Variants in RANBP17 observed in about 807,000 individuals in gnomAD.
RANBP17 encodes ran-binding protein 17.
Under a neutral mutation model 141.2 loss-of-function variants are expected in RANBP17, and 158 were observed. The observed-to-expected ratio is 1.12, with a 90% CI of 0.98 to 1.28. RANBP17 has a LOEUF of 1.28. Ranked by LOEUF, RANBP17 falls within the 50% of genes most tolerant of loss-of-function variation. The pLI is 0.00. For missense variants in RANBP17, 1,438 were observed against 1,290.7 expected, an observed-to-expected ratio of 1.11 and a Z score of -1.75; for synonymous variants, 430 against 450.0, an observed-to-expected ratio of 0.96 and a Z score of 0.56.
chr5:171,247,045 T>C (rs991841642), intron 24 of RANBP17, among the ~76,000 whole-genome samples: 3 of 152,168 alleles, frequency 2.0e-5, no homozygotes, highest in Non-Finnish European at 4.4e-5. Flanking sequence ...ATGCATTAAT[T>C]AGATAATATT....
chr5:170,999,997 T>C (rs1047449217), intron 14 of RANBP17, among the ~76,000 whole-genome samples: 2 of 152,184 alleles, frequency 1.3e-5, no homozygotes, highest in East Asian at 1.9e-4. Context: ...TCACATGGTA[T>C]TAGTGTGCTT....
rs1765415305 is a variant in RANBP17, at chr5:171,249,405, T to C, written c.2776+6585T>C. 1.3e-5 allele frequency among the ~76,000 whole-genome samples: 2 copies of C among 152,146 alleles called. 1 individual carries two copies. Among genetic ancestry groups the C allele is most frequent in the South Asian group, 4.1e-4 (2 of 4,830 alleles). ...ATATGACACCTCCCAAGGAACACAGTAATTCTCCAGCAATAGATCTTACTC... is the reference window on the plus strand; with the variant it reads ...ATATGACACCTCCCAAGGAACACAGCAATTCTCCAGCAATAGATCTTACTC... On this transcript the variant is annotated intron_variant, in intron 24 of 27. Transcript: ENST00000523189.
At chr5:170,869,202 T>C (rs1767506908) in intron 1 of RANBP17, among the ~76,000 whole-genome samples, 1 of 152,236 alleles carries the variant, frequency 6.6e-6, no homozygotes, top group Admixed American at 6.5e-5. Context: ...TGAGGTTCTT[T>C]ATATCAGTAA....
At chr5:170,862,824 G>A (rs1227378532) in intron 1 of RANBP17, among the ~76,000 whole-genome samples, 1 of 152,196 alleles carries the variant, frequency 6.6e-6, no homozygotes, top group Non-Finnish European at 1.5e-5. Context: ...TGGGGATAAA[G>A]GATGACATCT....
chr5:170,880,463 C>T (rs1018585303), intron 2 of RANBP17, among the ~76,000 whole-genome samples: 1 of 152,172 alleles, frequency 6.6e-6, no homozygotes, highest in African/African-American at 2.4e-5. Flanking sequence ...TTAATTAACT[C>T]ATCATCGGTA....
At chr5:170,886,390 A>G (rs538802580) in intron 3 of RANBP17, among the ~76,000 whole-genome samples, 1 of 152,080 alleles carries the variant, frequency 6.6e-6, no homozygotes, top group Non-Finnish European at 1.5e-5. Flanking sequence ...GGCAGCTGGT[A>G]TTTATTTTTT....
At chr5:171,187,036 A>C (rs1352617265) in intron 18 of RANBP17, among the ~76,000 whole-genome samples, 1 of 152,176 alleles carries the variant, frequency 6.6e-6, no homozygotes, top group Non-Finnish European at 1.5e-5. Flanking sequence ...CTTTTGATTT[A>C]AAGTGAGAGA....
chr5:170,983,230 C>T (rs1162367248), intron 14 of RANBP17: 6 of 354,414 alleles, frequency 1.7e-5, no homozygotes, highest in Non-Finnish European at 2.6e-5. Context: ...CCAGTTCAAA[C>T]TGGAGCAGAT....
chr5:171,012,032 A>ATTTTGTT (rs1470409985), intron 14 of RANBP17, among the ~76,000 whole-genome samples: 4 of 150,790 alleles, frequency 2.7e-5, no homozygotes, highest in African/African-American at 9.7e-5. Flanking sequence ...AACAAATAAT[A>ATTTTGTT]TATTTGTTTA....
chr5:170,962,589 C>T (rs997553478), intron 13 of RANBP17, among the ~76,000 whole-genome samples: 1 of 152,168 alleles, frequency 6.6e-6, no homozygotes, highest in Non-Finnish European at 1.5e-5. Context: ...ATTTATTTAA[C>T]TAAAACTTAC....
chr5:171,289,403 C>T (rs1768348327), intron 25 of RANBP17, among the ~76,000 whole-genome samples: 1 of 152,184 alleles, frequency 6.6e-6, no homozygotes, highest in Admixed American at 6.5e-5. Flanking sequence ...ACACAAACCA[C>T]ATCTTTGTCT....
rs576337202 is a variant in RANBP17 at position 171,063,170 on chromosome 5, A to G, written c.1710+94793A>G. ...CTTCTTCTCTCAACTCGTCAAACTC[A>G]TTCTCTGTCCAGCTTTGTTCTGTTG... On this transcript the variant is annotated intron_variant, in intron 14 of 27. Coordinates refer to ENST00000523189, the MANE Select transcript of RANBP17 (RefSeq NM_022897.5). 2.8e-4 allele frequency among the ~76,000 whole-genome samples: 42 copies of G among 152,326 alleles called. No homozygotes were observed. The South Asian group carries it at 8.7e-3, about 32-fold the overall frequency.
intron 18 of RANBP17, among the ~76,000 whole-genome samples, chr5:171,188,366 G>A (rs1304616108): frequency 1.3e-5 from 2 of 152,184 alleles, no homozygotes; most frequent in Non-Finnish European, 2.9e-5. Context: ...GTGAGAAGAG[G>A]CGCAGCCCCA....
intron 7 of RANBP17, among the ~76,000 whole-genome samples, chr5:170,912,749 G>C (rs1038789386): frequency 6.6e-6 from 1 of 151,778 alleles, no homozygotes; most frequent in African/African-American, 2.4e-5. Context: ...GAGGTGTGAC[G>C]GTTAGGAGTT....
At chr5:171,021,398 TCAG>T (rs1267067215) in intron 14 of RANBP17, among the ~76,000 whole-genome samples, 1 of 152,232 alleles carries the variant, frequency 6.6e-6, no homozygotes, top group East Asian at 1.9e-4. Flanking sequence ...TCTGTCACTT[TCAG>T]GTACACCAAT....
chr5:171,133,035 G>A (rs1470681548), intron 14 of RANBP17, among the ~76,000 whole-genome samples: 3 of 152,006 alleles, frequency 2.0e-5, no homozygotes, highest in Non-Finnish European at 2.9e-5. Flanking sequence ...ACAGGGGCCC[G>A]CCATCACGCT....
intron 12 of RANBP17, among the ~76,000 whole-genome samples, chr5:170,948,621 A>G (rs913181625): frequency 6.6e-6 from 1 of 152,196 alleles, no homozygotes; most frequent in Non-Finnish European, 1.5e-5. Flanking sequence ...TATTGTTAAG[A>G]TGGCAGTACT....
chr5:171,127,744 C>T (rs1581693338), intron 14 of RANBP17, among the ~76,000 whole-genome samples: 1 of 152,296 alleles, frequency 6.6e-6, no homozygotes, highest in East Asian at 1.9e-4. Context: ...AGGGAACTGT[C>T]ATACACTCTG....
intron 12 of RANBP17, among the ~76,000 whole-genome samples, chr5:170,938,438 A>G (rs1041750459): frequency 2.0e-5 from 3 of 152,224 alleles, no homozygotes; most frequent in Non-Finnish European, 4.4e-5. Flanking sequence ...ACAATGAAGT[A>G]AGCTGCCATG....
Sources: allele counts gnomAD v4.1 joint callset (sites outside exome capture counted in the v4.1 genomes callset), GRCh38; gene constraint gnomAD v4.1.1; transcripts MANE v1.5; gene names NCBI Gene and HGNC (gene_info 2026-07-23, HGNC 2026-07-21).